ST3GAL3: variants seen among roughly 807,000 people sequenced by gnomAD.
ST3GAL3 encodes the protein ST3 beta-galactoside alpha-2,3-sialyltransferase 3.
Under a neutral mutation model 50.1 loss-of-function variants are expected in ST3GAL3, and 21 were observed. The observed-to-expected ratio is 0.42, with a 90% CI of 0.30 to 0.60. The LOEUF is 0.60. Ranked by LOEUF, ST3GAL3 falls within the 20% of genes least tolerant of loss-of-function variation. The pLI, the probability that ST3GAL3 is intolerant of heterozygous loss-of-function variation, is 0.19. For missense variants in ST3GAL3, 353 were observed against 489.4 expected (o/e 0.72, Z 2.63); for synonymous variants, 183 against 190.0 (o/e 0.96, Z 0.30).
intron 1 of ST3GAL3, among the ~76,000 whole-genome samples, chr1:43,728,020 C>A (rs2154080353): frequency 6.6e-6 from 1 of 152,082 alleles, no homozygotes; most frequent in Middle Eastern, 3.4e-3. Context: ...CTTGCGCCTT[C>A]ACCCCTCATC....
At chr1:43,850,622 C>T (rs1160637277) in intron 5 of ST3GAL3, 4 of 757,388 alleles carry the variant, frequency 5.3e-6, no homozygotes, top group Non-Finnish European at 7.2e-6. Flanking sequence ...CTTCTAGGAC[C>T]TTCTCAGCCC....
At chr1:43,807,312 A>G (rs2060007216) in intron 3 of ST3GAL3, among the ~76,000 whole-genome samples, 1 of 152,140 alleles carries the variant, frequency 6.6e-6, no homozygotes, top group South Asian at 2.1e-4. Flanking sequence ...GCTACTCGGG[A>G]GGCTGAGGCA....
chr1:43,817,759 CTTCCTCTTCTTCTT>C, intron 4 of ST3GAL3, among the ~76,000 whole-genome samples: 1 of 41,800 alleles, frequency 2.4e-5, no homozygotes, highest in African/African-American at 6.9e-5. Flanking sequence ...TCCTCCTCTT[CTTCCTCTTCTTCTT>C]CTCCTCCTTC....
Position 43,899,828 on chromosome 1 carries a change from T to C in ST3GAL3, c.744+101T>C. The C allele has an allele frequency of 1.7e-6, 2 of 1,211,970 alleles. No individual in the cohort carries two copies. The highest frequency in any genetic ancestry group is 2.4e-6 in the Non-Finnish European group (2 of 834,562). 75.1% of individuals were successfully genotyped at this position (1,211,970 alleles called of 1,614,324 possible). ...ATGCAGCAAAGAACGAGTAAGAACC[T>C]TCAAAGGAAACATTAATGACCCAAA... On this transcript the variant is annotated intron_variant, in intron 9 of 11. Transcript: ENST00000347631. The surrounding 1 kb of genome is among the most constrained non-coding windows in gnomAD (Gnocchi z 5.4).
intron 2 of ST3GAL3, among the ~76,000 whole-genome samples, chr1:43,768,985 A>C (rs570719019): frequency 1.8e-4 from 28 of 152,344 alleles, no homozygotes; most frequent in Admixed American, 1.6e-3. Flanking sequence ...TAAAAATATA[A>C]ATGTAAAAAT....
At chr1:43,926,803 C>G (rs1392232577) in intron 11 of ST3GAL3, among the ~76,000 whole-genome samples, 1 of 151,854 alleles carries the variant, frequency 6.6e-6, no homozygotes, top group African/African-American at 2.4e-5. Context: ...GTGGCATTGC[C>G]GGATCCAAGA....
intron 5 of ST3GAL3, among the ~76,000 whole-genome samples, chr1:43,860,315 C>T (rs563485015): frequency 3.9e-5 from 6 of 152,290 alleles, no homozygotes; most frequent in East Asian, 1.9e-4. Context: ...CACAGCAAAC[C>T]GTGACCCACA....
chr1:43,920,285 G>A (rs1485585625), intron 9 of ST3GAL3, 119 bp from the exon 10 acceptor site: 5 of 1,253,710 alleles, frequency 4.0e-6, no homozygotes, highest in South Asian at 1.2e-5. Context: ...CAGGCCCTGG[G>A]TTCCCCATTA....
At chr1:43,713,091 G>C (rs866532291) in intron 1 of ST3GAL3, among the ~76,000 whole-genome samples, 12 of 152,186 alleles carry the variant, frequency 7.9e-5, no homozygotes, top group African/African-American at 1.9e-4. Flanking sequence ...TACTACACAA[G>C]AGTCATAAAA....
chr1:43,809,197 G>A (rs1180002740), intron 3 of ST3GAL3, among the ~76,000 whole-genome samples: 1 of 151,948 alleles, frequency 6.6e-6, no homozygotes, highest in African/African-American at 2.4e-5. Context: ...AGAGAACTGG[G>A]GGCATTACAT....
chr1:43,868,428 G>A (rs2071844487), intron 5 of ST3GAL3, among the ~76,000 whole-genome samples: 2 of 152,060 alleles, frequency 1.3e-5, no homozygotes, highest in Non-Finnish European at 2.9e-5. Flanking sequence ...AACCTTTCTT[G>A]GCTTTCTGCT....
chr1:43,771,431 C>T (rs1695120367), intron 2 of ST3GAL3, among the ~76,000 whole-genome samples: 2 of 151,738 alleles, frequency 1.3e-5, no homozygotes, highest in South Asian at 2.1e-4. Context: ...GATCTCGGCT[C>T]ACCGCAGGCT....
chr1:43,856,506 A>G (rs1279535731), intron 5 of ST3GAL3, among the ~76,000 whole-genome samples: 5 of 152,182 alleles, frequency 3.3e-5, no homozygotes, highest in Non-Finnish European at 5.9e-5. Flanking sequence ...AATGTTTTAA[A>G]TATTTTCAGT....
At chr1:43,853,625 G>A (rs575449655) in intron 5 of ST3GAL3, among the ~76,000 whole-genome samples, 16 of 152,340 alleles carry the variant, frequency 1.1e-4, no homozygotes, top group African/African-American at 3.8e-4. Context: ...ATGAGGTGCT[G>A]ATGTAGAAAT....
At position 43,881,940 on chromosome 1, in the gene ST3GAL3, C is replaced by T. The variant is rs143498851; in HGVS notation, c.303-12443C>T. Among the ~76,000 whole-genome samples the T allele has an allele frequency of 3.2e-3, 484 of 152,318 alleles. 1 individual carries two copies. The highest frequency in any genetic ancestry group is 0.011 in the African/African-American group (461 of 41,570). ...TGGCCTGGATTAGCCCTGGAAGATC[C>T]ACATGGTGGAGGCTGTCACCCCAAG... On this transcript the variant is annotated intron_variant, in intron 5 of 11. Transcript: ENST00000347631.
intron 3 of ST3GAL3, among the ~76,000 whole-genome samples, chr1:43,811,543 G>T (rs12728059): frequency 6.6e-6 from 1 of 152,154 alleles, no homozygotes; most frequent in Admixed American, 6.5e-5. Context: ...TCTGTTGGCC[G>T]AGGGCCTGTC....
At chr1:43,716,841 G>A (rs1557979996) in intron 1 of ST3GAL3, among the ~76,000 whole-genome samples, 3 of 152,162 alleles carry the variant, frequency 2.0e-5, no homozygotes, top group South Asian at 4.1e-4. Flanking sequence ...CACTTTGAGT[G>A]CCCTTCGAGG....
At chr1:43,815,666 C>T (rs2061143688) in intron 4 of ST3GAL3, among the ~76,000 whole-genome samples, 1 of 152,200 alleles carries the variant, frequency 6.6e-6, no homozygotes, top group Non-Finnish European at 1.5e-5. Context: ...TACTTAACCA[C>T]TCTGAGCCTC....
chr1:43,725,115 A>T (rs1176355978), intron 1 of ST3GAL3, among the ~76,000 whole-genome samples: 1 of 152,210 alleles, frequency 6.6e-6, no homozygotes. Flanking sequence ...ATGTATGTGG[A>T]GAGGATGTGT....
Sources: gnomAD v4.1 joint callset for allele counts (sites outside exome capture counted in the v4.1 genomes callset) on GRCh38, gnomAD v4.1.1 for gene constraint, Gnocchi (gnomAD v3.1) non-coding constraint, MANE v1.5 for transcripts, NCBI Gene and HGNC (gene_info 2026-07-23, HGNC 2026-07-21) for gene names.